The following RORB variants were observed in gnomAD, a reference collection of about 807,000 sequenced individuals.
RORB encodes the protein nuclear receptor ROR-beta.
A neutral mutation model predicts 59.1 loss-of-function variants in RORB; 6 were observed. The ratio of observed to expected loss-of-function variants is 0.10; its 90% CI spans 0.06 to 0.20. The LOEUF (loss-of-function observed/expected upper bound fraction) is 0.20. RORB is among the 10% of genes least tolerant of loss of function. The pLI is 1.00. For missense variants in RORB, 320 were observed against 560.5 expected (o/e 0.57, Z 4.33); for synonymous variants, 215 against 204.5 (o/e 1.05, Z -0.44).
chr9:74,622,759 T>C (rs973655483), intron 1 of RORB, among the ~76,000 whole-genome samples: 4 of 151,970 alleles, frequency 2.6e-5, no homozygotes, highest in Non-Finnish European at 4.4e-5. Context: ...TCTCTTAACC[T>C]GGTAATCCAC....
In RORB at chr9:74,520,606, T is replaced by A. The variant is rs1220806046; in HGVS notation, c.7+22623T>A. 3.3e-5 allele frequency among the ~76,000 whole-genome samples: 5 copies of A among 151,972 alleles called. No individual in the cohort carries two copies. The East Asian group carries it at 9.7e-4, about 29-fold the overall frequency. The stretch of plus-strand genomic sequence containing the variant: ...TTATTAAATTCAGATGATAGTGAGA[T>A]AAATTACCAGGTTCTTAACTGGTTG... On this transcript the variant is annotated intron_variant, in intron 1 of 9. Transcript: ENST00000376896.
intron 9 of RORB, among the ~76,000 whole-genome samples, chr9:74,678,033 G>A (rs59339949): frequency 0.055 from 8,354 of 152,198 alleles, 737 homozygotes; most frequent in African/African-American, 0.19. Context: ...TCACAATGAC[G>A]GATAAAAAGA....
chr9:74,644,043 A>T (rs1027472814), intron 4 of RORB, among the ~76,000 whole-genome samples: 1 of 152,250 alleles, frequency 6.6e-6, no homozygotes, highest in Non-Finnish European at 1.5e-5. Flanking sequence ...TTTATGCTAC[A>T]TGCTCGGTCA....
At chr9:74,600,836 A>G (rs534191603) in intron 1 of RORB, among the ~76,000 whole-genome samples, 281 of 152,330 alleles carry the variant, frequency 1.8e-3, no homozygotes, top group Non-Finnish European at 3.5e-3. Flanking sequence ...TGGGAAATCT[A>G]CAGACTACTT....
intron 3 of RORB, among the ~76,000 whole-genome samples, chr9:74,635,541 G>A (rs1447575997): frequency 1.3e-5 from 2 of 152,146 alleles, no homozygotes; most frequent in African/African-American, 4.8e-5. Flanking sequence ...TGCTGACATT[G>A]GACACATCAC....
intron 1 of RORB, among the ~76,000 whole-genome samples, chr9:74,628,972 C>T (rs1172483435): frequency 6.6e-6 from 1 of 152,096 alleles, no homozygotes; most frequent in African/African-American, 2.4e-5. Flanking sequence ...AAATCCCATG[C>T]CCCACCATAT....
chr9:74,610,358 A>C (rs1823216403), intron 1 of RORB, among the ~76,000 whole-genome samples: 1 of 152,190 alleles, frequency 6.6e-6, no homozygotes, highest in Non-Finnish European at 1.5e-5. Flanking sequence ...AATAACAGAG[A>C]TTTTTGTAGA....
rs140574085 is a variant in RORB, at chr9:74,664,659, C to T, written c.893-829C>T. Among the ~76,000 whole-genome samples the T allele has an allele frequency of 6.0e-4, 91 of 152,086 alleles. 1 individual carries two copies. In the East Asian group the frequency reaches 0.015, roughly 25 times the overall value. The stretch of plus-strand genomic sequence containing the variant: ...ATGTATAAGCCTCTATGCTAGGTGA[C>T]GTATCAAAGACAAGCAGAGAGAAAT... On this transcript the variant is annotated intron_variant, in intron 6 of 9. Transcript: ENST00000376896.
chr9:74,629,266 CA>C (rs1253585002), intron 1 of RORB, among the ~76,000 whole-genome samples: 4 of 150,904 alleles, frequency 2.7e-5, no homozygotes, highest in African/African-American at 9.7e-5. Context: ...GGTAGCCTGC[CA>C]AACTCACCTT....
Position 74,552,254 on chromosome 9 carries a change from T to C in RORB, c.7+54271T>C, listed in dbSNP as rs147282977. Among the ~76,000 whole-genome samples, 87 of 152,284 alleles carry C rather than the reference T, an allele frequency of 5.7e-4. No individual in the cohort carries two copies. The East Asian group carries it at 0.013, about 23-fold the overall frequency. On this transcript the variant is annotated intron_variant, in intron 1 of 9. Coordinates refer to ENST00000376896, the MANE Select transcript of RORB (RefSeq NM_006914.4). The stretch of plus-strand genomic sequence containing the variant: ...ATCAGTGGAAGTGATCAAGTGTTAT[T>C]GGGTAATCATTTGGCAAGGATATGT...
At chr9:74,513,893 G>A (rs1287726006) in intron 1 of RORB, among the ~76,000 whole-genome samples, 1 of 151,960 alleles carries the variant, frequency 6.6e-6, no homozygotes, top group Non-Finnish European at 1.5e-5. Context: ...TATATACTAT[G>A]TAATCTACTT....
chr9:74,604,935 T>C (rs966218111), intron 1 of RORB, among the ~76,000 whole-genome samples: 16 of 152,226 alleles, frequency 1.1e-4, no homozygotes, highest in Middle Eastern at 3.2e-3. Flanking sequence ...AAAATGGAAA[T>C]GCAAATGCTG....
At chr9:74,551,635 T>C (rs1462351920) in intron 1 of RORB, among the ~76,000 whole-genome samples, 1 of 152,206 alleles carries the variant, frequency 6.6e-6, no homozygotes, top group Non-Finnish European at 1.5e-5. Context: ...CAGACTACTA[T>C]ATTGGAAATT....
intron 1 of RORB, among the ~76,000 whole-genome samples, chr9:74,562,030 C>T (rs543397483): frequency 6.6e-6 from 1 of 152,172 alleles, no homozygotes; most frequent in African/African-American, 2.4e-5. Flanking sequence ...ACATTGTATC[C>T]CTTTCAGTGT....
chr9:74,535,254 A>T (rs1431288072), intron 1 of RORB, among the ~76,000 whole-genome samples: 1 of 152,056 alleles, frequency 6.6e-6, no homozygotes, highest in Non-Finnish European at 1.5e-5. Context: ...GAAAAAGGAG[A>T]TGAAAAAACA....
intron 1 of RORB, among the ~76,000 whole-genome samples, chr9:74,550,138 A>G (rs1028027889): frequency 5.9e-5 from 9 of 152,160 alleles, no homozygotes; most frequent in African/African-American, 1.9e-4. Context: ...ATTGTAAAAT[A>G]TTTTATGTTG....
intron 1 of RORB, among the ~76,000 whole-genome samples, chr9:74,522,765 G>C (rs1209000509): frequency 6.6e-6 from 1 of 151,802 alleles, no homozygotes; most frequent in African/African-American, 2.4e-5. Context: ...GTAAGCCAAA[G>C]TCATTGTTTG....
chr9:74,669,198 G>A lies in RORB; in HGVS notation c.1111+1297G>A, dbSNP rs539065427. Among the ~76,000 whole-genome samples the A allele has an allele frequency of 3.6e-3, 542 of 152,302 alleles. 3 individuals are homozygous for A. The highest frequency in any genetic ancestry group is 0.013 in the African/African-American group (523 of 41,570). On this transcript the variant is annotated intron_variant, in intron 8 of 9. Coordinates refer to ENST00000376896, the MANE Select transcript of RORB (RefSeq NM_006914.4). Reference sequence around the variant, plus strand: ...AATATTTTTTTAAAGTATATACTAGGCCTGGCATGGTGGCTCACGCCTGTA... The same window carrying A: ...AATATTTTTTTAAAGTATATACTAGACCTGGCATGGTGGCTCACGCCTGTA...
chr9:74,679,227 C>G (rs1824500956), intron 9 of RORB, among the ~76,000 whole-genome samples: 1 of 152,086 alleles, frequency 6.6e-6, no homozygotes, highest in Non-Finnish European at 1.5e-5. Flanking sequence ...TGGTCTTAGT[C>G]TCCCTATTTT....
Sources: allele counts gnomAD v4.1 joint callset (sites outside exome capture counted in the v4.1 genomes callset), GRCh38; gene constraint gnomAD v4.1.1; transcripts MANE v1.5; gene names NCBI Gene and HGNC (gene_info 2026-07-23, HGNC 2026-07-21).